S100Z: variants seen among roughly 807,000 people sequenced by gnomAD.
S100Z encodes the protein protein S100-Z.
A neutral mutation model predicts 8.5 loss-of-function variants in S100Z; 11 were observed. The ratio of observed to expected loss-of-function variants is 1.30; its 90% confidence interval spans 0.82 to 2.15. S100Z has a LOEUF of 2.15. Ranked by LOEUF, S100Z falls within the 30% of genes most tolerant of loss-of-function variation. The probability of loss-of-function intolerance (pLI) is 0.00; values close to 1 mark genes in which losing one functional copy is unlikely to be tolerated. For synonymous variants in S100Z, 34 were observed against 43.8 expected, an observed-to-expected ratio of 0.78 and a Z score of 0.89; for missense variants, 126 against 117.9, an observed-to-expected ratio of 1.07 and a Z score of -0.32.
At chr5:76,863,807 G>A (rs1437970863) in intron 1 of S100Z, among the ~76,000 whole-genome samples, 1 of 152,156 alleles carries the variant, frequency 6.6e-6, no homozygotes, top group Non-Finnish European at 1.5e-5. Flanking sequence ...CAAAGTACTG[G>A]GATTACAGGT....
At chr5:76,923,013 T>TAAAA (rs35837978), downstream of S100Z, among the ~76,000 whole-genome samples, 277 of 143,342 alleles carry the variant, frequency 1.9e-3, 2 homozygotes, top group Middle Eastern at 3.6e-3. Context: ...AATGCCTATG[T>TAAAA]AAAAAAAAAA....
At chr5:76,872,409 C>T (rs1324739746) in intron 2 of S100Z, among the ~76,000 whole-genome samples, 1 of 152,060 alleles carries the variant, frequency 6.6e-6, no homozygotes, top group East Asian at 1.9e-4. Context: ...AGCCTGTAAT[C>T]CCAGCACTTT....
At chr5:76,951,985 T>C in the S100Z span, among the ~76,000 whole-genome samples, 1 of 152,206 alleles carries the variant, frequency 6.6e-6, no homozygotes, top group Non-Finnish European at 1.5e-5. Flanking sequence ...AACTCTGTAT[T>C]ATGGTCTATT....
intron 4 of S100Z, among the ~76,000 whole-genome samples, chr5:76,919,011 G>T (rs1744946827): frequency 6.6e-6 from 1 of 152,086 alleles, no homozygotes; most frequent in South Asian, 2.1e-4. Flanking sequence ...GGCTTTTCAT[G>T]GCTTGATAGC....
chr5:76,922,257 G>A (rs1745061416), downstream of S100Z, among the ~76,000 whole-genome samples: 1 of 152,032 alleles, frequency 6.6e-6, no homozygotes, highest in South Asian at 2.1e-4. Context: ...TTTTTCTTAG[G>A]ATCCCCTCCC....
chr5:76,867,416 C>G (rs555012166), intron 1 of S100Z, among the ~76,000 whole-genome samples: 24 of 152,236 alleles, frequency 1.6e-4, no homozygotes, highest in South Asian at 1.5e-3. Context: ...TGGGGGTATC[C>G]TCAGTCTAAG....
chr5:76,852,576 G>A (rs1425606477), intron 1 of S100Z, among the ~76,000 whole-genome samples: 2 of 152,068 alleles, frequency 1.3e-5, no homozygotes, highest in African/African-American at 4.8e-5. Context: ...CAGGAATGGT[G>A]GTGCACACCT....
intron 1 of S100Z, among the ~76,000 whole-genome samples, chr5:76,864,948 C>A (rs1013239887): frequency 3.3e-5 from 5 of 152,116 alleles, no homozygotes. Context: ...ACCTCATGAT[C>A]AGCCCGCCTC....
At chr5:76,920,053 G>A (rs575654627) in intron 4 of S100Z, among the ~76,000 whole-genome samples, 4 of 152,056 alleles carry the variant, frequency 2.6e-5, no homozygotes, top group Non-Finnish European at 5.9e-5. Context: ...GGGATTACAG[G>A]TGCCCACCAC....
chr5:76,873,971 G>T (rs1273368803), intron 2 of S100Z, among the ~76,000 whole-genome samples: 1 of 152,070 alleles, frequency 6.6e-6, no homozygotes, highest in East Asian at 1.9e-4. Context: ...AACTGAAAAA[G>T]TTAAAATCAC....
At chr5:76,914,012 C>T (rs188852689) in intron 4 of S100Z, among the ~76,000 whole-genome samples, 12 of 152,182 alleles carry the variant, frequency 7.9e-5, no homozygotes, top group African/African-American at 2.4e-4. Flanking sequence ...AATTTGTTTC[C>T]TCTGGAATCA....
chr5:76,907,422 G>A (rs1363281913), intron 4 of S100Z, among the ~76,000 whole-genome samples: 1 of 152,020 alleles, frequency 6.6e-6, no homozygotes, highest in Non-Finnish European at 1.5e-5. Context: ...TCCTGCCTCA[G>A]CCTCCCAAGT....
downstream of S100Z, among the ~76,000 whole-genome samples, chr5:76,925,942 G>A (rs1745130775): frequency 6.6e-6 from 1 of 152,170 alleles, no homozygotes; most frequent in Non-Finnish European, 1.5e-5. Flanking sequence ...ATTCCAGCCT[G>A]GGTGACAGAG....
At chr5:76,863,577 T>G (rs186266166) in intron 1 of S100Z, among the ~76,000 whole-genome samples, 3 of 152,142 alleles carry the variant, frequency 2.0e-5, no homozygotes, top group Non-Finnish European at 4.4e-5. Flanking sequence ...CTCACTCTGT[T>G]GCCCAGGCTG....
chr5:76,937,752 CAAAAAA>C, the S100Z span, among the ~76,000 whole-genome samples: 1 of 73,360 alleles, frequency 1.4e-5, no homozygotes. Flanking sequence ...GACCCTGTCT[CAAAAAA>C]AAAAAAAAAA....
At chr5:76,947,704 A>G in the S100Z span, among the ~76,000 whole-genome samples, 1 of 152,222 alleles carries the variant, frequency 6.6e-6, no homozygotes, top group South Asian at 2.1e-4. Context: ...GCCAGAAATA[A>G]ATCCACACAT....
chr5:76,917,597 T>C (rs887541289), intron 4 of S100Z, among the ~76,000 whole-genome samples: 4 of 152,110 alleles, frequency 2.6e-5, no homozygotes, highest in Admixed American at 1.3e-4. Flanking sequence ...GGGAAGTGGT[T>C]GGATCACTTG....
At chr5:76,913,239 G>T (rs1485994980) in intron 4 of S100Z, among the ~76,000 whole-genome samples, 2 of 152,312 alleles carry the variant, frequency 1.3e-5, no homozygotes, top group East Asian at 3.9e-4. Context: ...CCTAACAGGG[G>T]ATCTAAATCT....
chr5:76,917,926 G>A (rs6873126), intron 4 of S100Z, among the ~76,000 whole-genome samples: 3,583 of 151,896 alleles, frequency 0.024, 163 homozygotes, highest in African/African-American at 0.081. Context: ...GTAGGTGGAC[G>A]TCTAGTTGGT....
Sources: gnomAD v4.1 joint callset for allele counts (sites outside exome capture counted in the v4.1 genomes callset) on GRCh38, gnomAD v4.1.1 for gene constraint, MANE v1.5 for transcripts, NCBI Gene and HGNC (gene_info 2026-07-23, HGNC 2026-07-21) for gene names.